Variants in ASPH observed in about 807,000 individuals in gnomAD.
ASPH encodes the protein aspartate beta-hydroxylase, also known as aspartyl/asparaginyl beta-hydroxylase.
Under a neutral mutation model 118.4 loss-of-function variants are expected in ASPH, and 100 were observed. That is an observed-to-expected ratio of 0.84 (90% CI 0.72 to 1.00). The LOEUF is 1.00. Among genes scored for constraint, ASPH ranks in the 50% least tolerant of loss-of-function variants. The pLI is 0.00. For missense variants in ASPH, 920 were observed against 919.5 expected (o/e 1.00, Z -0.01); for synonymous variants, 315 against 325.6 (o/e 0.97, Z 0.35).
rs560186372 is a variant in ASPH, at chr8:61,600,642, A to C, written c.977-16613T>G. Among the ~76,000 whole-genome samples, 633 of 151,546 alleles carry C rather than the reference A, an allele frequency of 4.2e-3. 36 individuals carry two copies. Among genetic ancestry groups the C allele is most frequent in the African/African-American group, 0.015 (613 of 40,858 alleles). On this transcript the variant is annotated intron_variant, in intron 14 of 24. Transcript: ENST00000379454. ...CCTGTTTATAATAGCTACAAAAAAA[A>C]CCTAAGAATAAATTTAGCCAAGAAG... is the stretch of plus-strand genomic sequence containing the variant.
At chr8:61,548,298 T>C in intron 20 of ASPH, 90 bp from the exon 21 acceptor site, 3 of 1,388,156 alleles carry the variant, frequency 2.2e-6, no homozygotes, top group Non-Finnish European at 2.9e-6. Context: ...AAATAAGGTA[T>C]TACTTTGACA....
chr8:61,510,290 G>A (rs1028074537), intron 24 of ASPH, among the ~76,000 whole-genome samples: 1 of 152,170 alleles, frequency 6.6e-6, no homozygotes, highest in African/African-American at 2.4e-5. Context: ...TTACAAGAGG[G>A]AAAGCCAGGA....
chr8:61,675,034 A>C, intron 3 of ASPH, among the ~76,000 whole-genome samples: 1 of 152,192 alleles, frequency 6.6e-6, no homozygotes, highest in East Asian at 1.9e-4. Flanking sequence ...TAAGAAATGC[A>C]TTTTGTATAT....
At chr8:61,622,263 G>A (rs1407261153) in intron 13 of ASPH, among the ~76,000 whole-genome samples, 5 of 152,174 alleles carry the variant, frequency 3.3e-5, no homozygotes, top group East Asian at 3.9e-4. Flanking sequence ...GCTTGAATCC[G>A]GGAGGCAGAG....
At chr8:61,658,930 G>A (rs1162659952) in intron 3 of ASPH, 1 of 152,304 alleles carries the variant, frequency 6.6e-6, no homozygotes. Flanking sequence ...AGGTGCTCGA[G>A]ATAAATCGTA....
At chr8:61,569,634 G>A (rs1290543111) in intron 16 of ASPH, among the ~76,000 whole-genome samples, 1 of 152,042 alleles carries the variant, frequency 6.6e-6, no homozygotes, top group African/African-American at 2.4e-5. Context: ...AACTGATTAG[G>A]ATAAATTACC....
chr8:61,570,486 C>T (rs1833155470), intron 16 of ASPH, among the ~76,000 whole-genome samples: 1 of 152,164 alleles, frequency 6.6e-6, no homozygotes, highest in South Asian at 2.1e-4. Flanking sequence ...GAATAAACAT[C>T]TTTAAACTCA....
intron 16 of ASPH, among the ~76,000 whole-genome samples, chr8:61,571,121 T>C (rs1286104151): frequency 9.2e-5 from 14 of 152,236 alleles, no homozygotes; most frequent in Non-Finnish European, 8.8e-5. Flanking sequence ...TGTTGAATTT[T>C]TATTTTTAAA....
intron 22 of ASPH, among the ~76,000 whole-genome samples, chr8:61,523,413 T>G (rs998463188): frequency 1.3e-5 from 2 of 151,468 alleles, no homozygotes; most frequent in Non-Finnish European, 2.9e-5. Context: ...CCTCCTGGGT[T>G]CAAGTGATTC....
intron 17 of ASPH, among the ~76,000 whole-genome samples, chr8:61,565,858 G>A (rs72659004): frequency 0.073 from 11,121 of 152,184 alleles, 615 homozygotes; most frequent in East Asian, 0.28. Context: ...GCTCACTTAC[G>A]ATTTTGAAAA....
chr8:61,682,449 C>T (rs1381128448), intron 2 of ASPH: 6 of 1,612,634 alleles, frequency 3.7e-6, no homozygotes, highest in Non-Finnish European at 4.2e-6. Context: ...CTTGAAGCAC[C>T]TCTGATAAGT....
chr8:61,518,225 G>A, intron 22 of ASPH, 102 bp from the exon 23 acceptor site: 2 of 909,408 alleles, frequency 2.2e-6, no homozygotes, highest in East Asian at 5.1e-5. Context: ...CTGCAGGAAT[G>A]AGAAGATTGA....
chr8:61,553,048 T>G lies in ASPH; in HGVS notation c.1609A>C (p.Arg537=), dbSNP rs1184245169. 1.2e-6 allele frequency: 2 copies of G among 1,613,292 alleles called. No homozygotes were observed. The highest frequency in any genetic ancestry group is 1.7e-6 in the Non-Finnish European group (2 of 1,179,432). Residue 537 remains arginine (R), a synonymous_variant, in exon 20 of 25, where the codon AGG becomes CGG. Transcript: ENST00000379454. The part of the protein sequence containing the change: ...FYFHLGDAMQ[R]VGNKEAYKWY... ...CCCATTACCTCTTTGTTCCCAACCC[T>G]CTGCATGGCATCCCCCAGGTGGAAA...
rs1805037635 is a variant in ASPH, at chr8:61,502,086, A to ATCT, written c.*1270_*1272dup. 6.6e-6 allele frequency: 1 copy of ATCT among 152,228 alleles called. No homozygotes were observed. The allele number at this position is 152,228 out of a possible 1,614,324, so 9.4% of individuals were successfully genotyped here. ...ACTTTGCTAGATTAATGACTTGATC[A>ATCT]TCTTTGGAATGAGTAGGCAAGACGA... On this transcript the variant is annotated 3_prime_UTR_variant, in exon 25 of 25. Coordinates refer to ENST00000379454, the MANE Select transcript of ASPH (RefSeq NM_004318.4).
At chr8:61,613,558 A>C (rs1367138280) in intron 14 of ASPH, among the ~76,000 whole-genome samples, 1 of 152,212 alleles carries the variant, frequency 6.6e-6, no homozygotes, top group African/African-American at 2.4e-5. Context: ...AATATGTGCT[A>C]ATAAAAAATC....
At chr8:61,662,928 A>G in intron 3 of ASPH, 3 of 985,058 alleles carry the variant, frequency 3.0e-6, no homozygotes, top group Non-Finnish European at 2.4e-6. Context: ...GTATTTATGT[A>G]TTTTCTGCCA....
Position 61,663,008 on chromosome 8 carries a change from T to G in ASPH, c.323-9348A>C, listed in dbSNP as rs557100345. 2.8e-5 allele frequency: 28 copies of G among 985,444 alleles called. 1 individual carries two copies. The South Asian group carries it at 1.2e-3, about 43-fold the overall frequency. The allele number at this position is 985,444 out of a possible 1,614,324, so 61.0% of individuals were successfully genotyped here. A position where few individuals can be genotyped will look rare whatever the true frequency, so the allele number is the denominator to read the frequency against. The stretch of plus-strand genomic sequence containing the variant: ...CTCTCAACAAATTCACTTATAATTG[T>G]TTGCCCTTCTTCAAGAGAGAACAAA... On this transcript the variant is annotated intron_variant, in intron 3 of 24. Coordinates refer to ENST00000379454, the MANE Select transcript of ASPH (RefSeq NM_004318.4).
chr8:61,645,644 T>C (rs1406497924), intron 6 of ASPH, among the ~76,000 whole-genome samples: 1 of 152,214 alleles, frequency 6.6e-6, no homozygotes, highest in Non-Finnish European at 1.5e-5. Flanking sequence ...ATATAGATGT[T>C]CAAAAGGATT....
chr8:61,518,749 G>A (rs1251715002), intron 22 of ASPH, among the ~76,000 whole-genome samples: 1 of 152,120 alleles, frequency 6.6e-6, no homozygotes, highest in Non-Finnish European at 1.5e-5. Flanking sequence ...GCAACTACAG[G>A]TACAGACCTT....
Sources: allele counts gnomAD v4.1 joint callset (sites outside exome capture counted in the v4.1 genomes callset), GRCh38; gene constraint gnomAD v4.1.1; transcripts MANE v1.5; gene names NCBI Gene and HGNC (gene_info 2026-07-23, HGNC 2026-07-21).